CAMK2D: variants seen among roughly 807,000 people sequenced by gnomAD.
CAMK2D encodes the protein calcium/calmodulin dependent protein kinase II delta, also known as calcium/calmodulin-dependent protein kinase type II subunit delta.
A neutral mutation model predicts 84.0 loss-of-function variants in CAMK2D; 37 were observed. The observed-to-expected ratio is 0.44, with a 90% CI of 0.34 to 0.58. CAMK2D has a LOEUF of 0.58. Ranked by LOEUF, CAMK2D falls within the 20% of genes least tolerant of loss-of-function variation. CAMK2D has a pLI of 0.02. For missense variants in CAMK2D, 448 were observed against 652.5 expected, an observed-to-expected ratio of 0.69 and a Z score of 3.41; for synonymous variants, 202 against 212.5, an observed-to-expected ratio of 0.95 and a Z score of 0.43.
rs565027103 is a variant in CAMK2D at position 113,494,398 on chromosome 4, C to T, written c.1135+6065G>A. 2.9e-3 allele frequency among the ~76,000 whole-genome samples: 447 copies of T among 151,814 alleles called. 2 individuals are homozygous for T. Among genetic ancestry groups the T allele is most frequent in the African/African-American group, 9.9e-3 (412 of 41,478 alleles). ...CTGCAGGTCTGTTGGAGTACCCTGC[C>T]GTGTGAGGTGTCAGTGTGCCCCTGC... On this transcript the variant is annotated intron_variant, in intron 16 of 20. Coordinates refer to ENST00000511664, the MANE Select transcript of CAMK2D (RefSeq NM_001321571.2).
intron 2 of CAMK2D, among the ~76,000 whole-genome samples, chr4:113,673,299 CT>C (rs1257326557): frequency 6.6e-6 from 1 of 152,214 alleles, no homozygotes; most frequent in Non-Finnish European, 1.5e-5. Context: ...GGCTTGCTAA[CT>C]GTCCTGGAAT....
intron 4 of CAMK2D, among the ~76,000 whole-genome samples, chr4:113,578,584 A>G (rs2098794458): frequency 1.3e-5 from 2 of 152,156 alleles, no homozygotes; most frequent in African/African-American, 4.8e-5. Context: ...GGTATGGGGG[A>G]AAGTGTGCCA....
intron 3 of CAMK2D, among the ~76,000 whole-genome samples, chr4:113,627,360 A>T (rs558225335): frequency 6.6e-6 from 1 of 152,318 alleles, no homozygotes; most frequent in Non-Finnish European, 1.5e-5. Context: ...CTATAAAATC[A>T]TCATGAACAT....
rs142981532 is a variant in CAMK2D at position 113,736,928 on chromosome 4, G to A, written c.160+22392C>T. Among the ~76,000 whole-genome samples the A allele has an allele frequency of 1.2e-4, 18 of 151,802 alleles. No individual in the cohort carries two copies. In the East Asian group the frequency reaches 2.1e-3, roughly 18 times the overall value. ...CAGTTCATCAGAATATCCAATATGCGCATTATGAAGAATTCCATCTTTCCC... is the reference window on the plus strand; with the variant it reads ...CAGTTCATCAGAATATCCAATATGCACATTATGAAGAATTCCATCTTTCCC... On this transcript the variant is annotated intron_variant, in intron 2 of 20. Transcript: ENST00000511664.
intron 2 of CAMK2D, among the ~76,000 whole-genome samples, chr4:113,719,115 G>A (rs1185616676): frequency 6.6e-6 from 1 of 152,042 alleles, no homozygotes; most frequent in Non-Finnish European, 1.5e-5. Context: ...ATAGCTTCAC[G>A]TTTGTCATCT....
At chr4:113,626,810 A>G (rs780665635) in intron 3 of CAMK2D, among the ~76,000 whole-genome samples, 1 of 152,178 alleles carries the variant, frequency 6.6e-6, no homozygotes, top group Non-Finnish European at 1.5e-5. Context: ...CGTAATGATG[A>G]TGTATAATTC....
At chr4:113,608,782 GTCT>G (rs2154266356) in intron 4 of CAMK2D, among the ~76,000 whole-genome samples, 1 of 152,174 alleles carries the variant, frequency 6.6e-6, no homozygotes, top group Non-Finnish European at 1.5e-5. Context: ...TCTTCCTTGA[GTCT>G]TCTTTTTACT....
intron 4 of CAMK2D, among the ~76,000 whole-genome samples, chr4:113,581,838 C>T (rs2098811809): frequency 6.6e-6 from 1 of 152,110 alleles, no homozygotes; most frequent in South Asian, 2.1e-4. Flanking sequence ...CTCACACCAG[C>T]TATATTAAGT....
At chr4:113,472,117 C>T (rs1322177814) in intron 16 of CAMK2D, among the ~76,000 whole-genome samples, 2 of 152,170 alleles carry the variant, frequency 1.3e-5, no homozygotes, top group South Asian at 2.1e-4. Context: ...AGCTACTTTA[C>T]GTTACTTTGA....
intron 16 of CAMK2D, among the ~76,000 whole-genome samples, chr4:113,469,342 A>G (rs746702776): frequency 6.6e-6 from 1 of 151,686 alleles, no homozygotes; most frequent in Non-Finnish European, 1.5e-5. Context: ...TTTGCTGATC[A>G]CTCCTTCCCA....
intron 3 of CAMK2D, among the ~76,000 whole-genome samples, chr4:113,633,174 T>G (rs945672230): frequency 2.0e-5 from 3 of 152,218 alleles, no homozygotes; most frequent in Non-Finnish European, 4.4e-5. Flanking sequence ...TGTGAGATTA[T>G]CTATGTATAC....
chr4:113,585,665 A>T (rs1250020541), intron 4 of CAMK2D, among the ~76,000 whole-genome samples: 1 of 79,350 alleles, frequency 1.3e-5, no homozygotes, highest in Non-Finnish European at 2.9e-5. Flanking sequence ...AGTATATAGT[A>T]TAGATTAGTA....
At chr4:113,681,927 T>C (rs1361968197) in intron 2 of CAMK2D, among the ~76,000 whole-genome samples, 1 of 152,050 alleles carries the variant, frequency 6.6e-6, no homozygotes, top group Non-Finnish European at 1.5e-5. Flanking sequence ...GTAATTCCAG[T>C]TTGCTGGTTT....
intron 2 of CAMK2D, among the ~76,000 whole-genome samples, chr4:113,696,393 G>A (rs7660526): frequency 0.02 from 3,007 of 151,982 alleles, 116 homozygotes; most frequent in African/African-American, 0.069. Flanking sequence ...GACCTAGAAT[G>A]GTGTCTAACA....
At chr4:113,738,565 ACT>A (rs1373857703) in intron 2 of CAMK2D, among the ~76,000 whole-genome samples, 1 of 152,032 alleles carries the variant, frequency 6.6e-6, no homozygotes, top group East Asian at 1.9e-4. Context: ...TCTTTAGTGG[ACT>A]CTGGCAAAAC....
At chr4:113,631,415 A>G (rs1257914793) in intron 3 of CAMK2D, among the ~76,000 whole-genome samples, 1 of 152,216 alleles carries the variant, frequency 6.6e-6, no homozygotes, top group East Asian at 1.9e-4. Context: ...TGAAGGTGGT[A>G]CATTGATAAT....
chr4:113,742,666 G>A (rs2099595782), intron 2 of CAMK2D, among the ~76,000 whole-genome samples: 2 of 151,446 alleles, frequency 1.3e-5, no homozygotes, highest in African/African-American at 4.8e-5. Context: ...AAGGTATTAG[G>A]AATACCAATG....
chr4:113,619,168 C>G (rs2099034488), intron 3 of CAMK2D, among the ~76,000 whole-genome samples: 1 of 151,046 alleles, frequency 6.6e-6, no homozygotes, highest in South Asian at 2.1e-4. Flanking sequence ...TCTGTGAAAG[C>G]AAAATCTAAT....
At chr4:113,742,134 C>T (rs752807594) in intron 2 of CAMK2D, among the ~76,000 whole-genome samples, 1 of 152,130 alleles carries the variant, frequency 6.6e-6, no homozygotes, top group Non-Finnish European at 1.5e-5. Context: ...CTACACACAG[C>T]AGTTGCTCAA....
Sources: allele counts gnomAD v4.1 joint callset (sites outside exome capture counted in the v4.1 genomes callset), GRCh38; gene constraint gnomAD v4.1.1; transcripts MANE v1.5; gene names NCBI Gene and HGNC (gene_info 2026-07-23, HGNC 2026-07-21).